The following PCBP3 variants were observed in gnomAD, a reference collection of about 807,000 sequenced individuals.
PCBP3 encodes poly(rC)-binding protein 3.
In PCBP3, 25 loss-of-function variants were observed where a neutral mutation model predicts 52.7. The observed-to-expected ratio is 0.47, with a 90% CI of 0.35 to 0.66. PCBP3 has a LOEUF of 0.66. Ranked by LOEUF, PCBP3 falls within the 30% of genes least tolerant of loss-of-function variation. The pLI is 0.01. For missense variants in PCBP3, 391 were observed against 490.3 expected (o/e 0.80, Z 1.91); for synonymous variants, 162 against 183.0 (o/e 0.89, Z 0.93).
intron 4 of PCBP3, among the ~76,000 whole-genome samples, chr21:45,845,603 G>A (rs1210580960): frequency 6.6e-6 from 1 of 151,994 alleles, no homozygotes; most frequent in African/African-American, 2.4e-5. Context: ...CCTTTGCCGT[G>A]TGTATGCATG....
In PCBP3 at chr21:45,929,926, A is replaced by C; in HGVS notation, c.727A>C (p.Lys243Gln). ...YAIPHPDQLT[K>Q]LHQLAMQQTP... ...GTCCCTCCTACCCCAGCAGTTGACC[A>C]AGCTCCACCAGTTGGCCATGCAGCA... The change falls in exon 14 of 18, where the codon AAG becomes CAG. Residue 243 changes from lysine to glutamine, a missense_variant. Transcript: ENST00000681687. 1.9e-6 allele frequency: 3 copies of C among 1,613,556 alleles called. No homozygotes were observed. Among genetic ancestry groups the C allele is most frequent in the Non-Finnish European group, 2.5e-6 (3 of 1,179,712 alleles).
At chr21:45,815,893 A>G (rs1482447604) in intron 4 of PCBP3, among the ~76,000 whole-genome samples, 24 of 76,466 alleles carry the variant, frequency 3.1e-4, no homozygotes, top group Admixed American at 1.0e-3. Flanking sequence ...TGAGTGAGTG[A>G]TGAGTGATGG....
chr21:45,929,820 T>C, intron 13 of PCBP3, 97 bp from the exon 14 acceptor site: 2 of 887,712 alleles, frequency 2.3e-6, no homozygotes, highest in Non-Finnish European at 3.8e-6. Flanking sequence ...CCTCTTTCTA[T>C]CTATCTGTGC....
At chr21:45,844,965 T>C (rs1459093894) in intron 4 of PCBP3, among the ~76,000 whole-genome samples, 1 of 151,862 alleles carries the variant, frequency 6.6e-6, no homozygotes, top group Non-Finnish European at 1.5e-5. Flanking sequence ...TTGAACAAAA[T>C]TTTGCATTCA....
At chr21:45,809,657 G>A (rs537526008) in intron 4 of PCBP3, among the ~76,000 whole-genome samples, 1 of 152,380 alleles carries the variant, frequency 6.6e-6, no homozygotes, top group East Asian at 1.9e-4. Flanking sequence ...TACAGCAGCT[G>A]CTAAGTGCGG....
In PCBP3 at chr21:45,788,789, G is replaced by C. The variant is rs926989124; in HGVS notation, c.-126+33337G>C. On this transcript the variant is annotated intron_variant, in intron 4 of 17. Coordinates refer to ENST00000681687, the MANE Select transcript of PCBP3 (RefSeq NM_001384156.1). The surrounding 1 kb of genome is among the most constrained non-coding windows in gnomAD (Gnocchi z 4.3). ...AAAAGTTGTATTTCTTAAACAACAT[G>C]ATCTGGAGTATGTGGTGACTGTCAA... The C allele has an allele frequency of 2.0e-5, 3 of 152,206 alleles. No individual in the cohort carries two copies. Among genetic ancestry groups the C allele is most frequent in the African/African-American group, 7.2e-5 (3 of 41,454 alleles). 9.4% of individuals were successfully genotyped at this position (152,206 alleles called of 1,614,324 possible). A position where few individuals can be genotyped will look rare whatever the true frequency, so the allele number is the denominator to read the frequency against.
chr21:45,725,857 T>C (rs928126820), intron 2 of PCBP3, among the ~76,000 whole-genome samples: 13 of 113,450 alleles, frequency 1.1e-4, no homozygotes, highest in Non-Finnish European at 2.3e-4. Flanking sequence ...AAAGACCTGA[T>C]GGAGGAAAGG....
At chr21:45,931,191 G>T (rs950851500) in intron 15 of PCBP3, among the ~76,000 whole-genome samples, 3 of 152,240 alleles carry the variant, frequency 2.0e-5, no homozygotes, top group Non-Finnish European at 1.5e-5. Flanking sequence ...CACCCCTCCC[G>T]ACTTGCATTA....
At chr21:45,713,041 A>G (rs1266814270) in intron 2 of PCBP3, among the ~76,000 whole-genome samples, 1 of 152,162 alleles carries the variant, frequency 6.6e-6, no homozygotes, top group Admixed American at 6.5e-5. Context: ...TGCTCTTTCC[A>G]TGAGTCATTT....
intron 1 of PCBP3, among the ~76,000 whole-genome samples, chr21:45,647,388 G>A (rs1388798416): frequency 1.3e-5 from 2 of 152,174 alleles, no homozygotes; most frequent in Non-Finnish European, 2.9e-5. Context: ...TCACCTGTTC[G>A]GATTGAGGAA....
At chr21:45,826,781 A>G (rs1391815208) in intron 4 of PCBP3, among the ~76,000 whole-genome samples, 1 of 152,170 alleles carries the variant, frequency 6.6e-6, no homozygotes, top group Admixed American at 6.5e-5. Flanking sequence ...CAAACAAGAA[A>G]ATAAAATTCT....
At chr21:45,719,401 C>T (rs1284733945) in intron 2 of PCBP3, among the ~76,000 whole-genome samples, 1 of 152,132 alleles carries the variant, frequency 6.6e-6, no homozygotes. Context: ...GAAATGTGTG[C>T]AGAGGGTTTT....
chr21:45,645,018 C>G (rs767902230), intron 1 of PCBP3, among the ~76,000 whole-genome samples: 10 of 152,158 alleles, frequency 6.6e-5, no homozygotes, highest in Admixed American at 3.3e-4. Context: ...CATCTTAAAG[C>G]GTGTCAGAGA....
chr21:45,913,547 C>T (rs892646098), intron 11 of PCBP3, among the ~76,000 whole-genome samples: 22 of 152,168 alleles, frequency 1.4e-4, no homozygotes, highest in African/African-American at 5.3e-4. Flanking sequence ...CGCAGGGGGC[C>T]GTCTGGGTTG....
intron 3 of PCBP3, chr21:45,749,993 C>T (rs921116223): frequency 3.3e-5 from 5 of 152,232 alleles, no homozygotes; most frequent in African/African-American, 1.2e-4. Flanking sequence ...TTTTGAAGAA[C>T]AGTCTCTTTT....
At chr21:45,857,413 G>T (rs1004145136) in intron 5 of PCBP3, among the ~76,000 whole-genome samples, 1 of 152,068 alleles carries the variant, frequency 6.6e-6, no homozygotes, top group Non-Finnish European at 1.5e-5. Flanking sequence ...GAGTCCTCAC[G>T]GAGGCCCCTC....
chr21:45,843,110 A>C (rs915552717), intron 4 of PCBP3, among the ~76,000 whole-genome samples: 10 of 150,204 alleles, frequency 6.7e-5, no homozygotes, highest in Admixed American at 6.0e-4. Flanking sequence ...TCATTCTCCA[A>C]ATCCCAAGGG....
intron 2 of PCBP3, among the ~76,000 whole-genome samples, chr21:45,709,629 T>A (rs892747800): frequency 2.0e-5 from 3 of 152,172 alleles, no homozygotes; most frequent in Non-Finnish European, 2.9e-5. Context: ...AGAATTATGA[T>A]GAGGATGGTA....
At chr21:45,793,422 G>A (rs1288443240) in intron 4 of PCBP3, among the ~76,000 whole-genome samples, 2 of 152,144 alleles carry the variant, frequency 1.3e-5, no homozygotes, top group Admixed American at 6.5e-5. Flanking sequence ...GGCGGGGAGA[G>A]CGAGAGGAAA....
Sources: allele counts gnomAD v4.1 joint callset (sites outside exome capture counted in the v4.1 genomes callset), GRCh38; gene constraint gnomAD v4.1.1; non-coding constraint Gnocchi (gnomAD v3.1); transcripts MANE v1.5; gene names NCBI Gene and HGNC (gene_info 2026-07-23, HGNC 2026-07-21).